The following CREB3L2 variants were observed in gnomAD, a reference collection of about 807,000 sequenced individuals.
CREB3L2 encodes the protein cAMP responsive element binding protein 3 like 2.
A neutral mutation model predicts 57.2 loss-of-function variants in CREB3L2; 23 were observed. The ratio of observed to expected loss-of-function variants is 0.40; its 90% CI spans 0.29 to 0.57. The LOEUF (loss-of-function observed/expected upper bound fraction) is 0.57. Among genes scored for constraint, CREB3L2 ranks in the 20% least tolerant of loss-of-function variants. The pLI, the probability that CREB3L2 is intolerant of heterozygous loss-of-function variation, is 0.42. For synonymous variants in CREB3L2, 268 were observed against 265.1 expected (o/e 1.01, Z -0.11); for missense variants, 628 against 634.7 (o/e 0.99, Z 0.11).
At chr7:137,992,431 G>C (rs2117329797) in intron 1 of CREB3L2, among the ~76,000 whole-genome samples, 1 of 152,266 alleles carries the variant, frequency 6.6e-6, no homozygotes, top group African/African-American at 2.4e-5. Flanking sequence ...CATGCCCTGA[G>C]ATAAATGGGT....
Position 137,876,113 on chromosome 7 carries a change from C to A in CREB3L2, c.*4363G>T, listed in dbSNP as rs1799144350. 8.6e-6 allele frequency: 2 copies of A among 232,120 alleles called. No homozygotes were observed. Among genetic ancestry groups the A allele is most frequent in the African/African-American group, 4.4e-5 (2 of 45,210 alleles). 14.4% of individuals were successfully genotyped at this position (232,120 alleles called of 1,614,324 possible). A position where few individuals can be genotyped will look rare whatever the true frequency, so the allele number is the denominator to read the frequency against. ...CTGGGATTTTCCTAATGGACGTAACCCTATTTCTTTTCTCCTGATGTGCAA... is the reference window on the plus strand; with the variant it reads ...CTGGGATTTTCCTAATGGACGTAACACTATTTCTTTTCTCCTGATGTGCAA... On this transcript the variant is annotated 3_prime_UTR_variant, in exon 12 of 12. Transcript: ENST00000330387.
At chr7:137,973,736 A>G (rs1029429054) in intron 1 of CREB3L2, among the ~76,000 whole-genome samples, 2 of 152,184 alleles carry the variant, frequency 1.3e-5, no homozygotes, top group Admixed American at 6.5e-5. Flanking sequence ...CTTCTCTTAC[A>G]CACCTCCTGG....
At chr7:137,900,512 G>A (rs1378239087) in intron 8 of CREB3L2, among the ~76,000 whole-genome samples, 1 of 152,048 alleles carries the variant, frequency 6.6e-6, no homozygotes, top group African/African-American at 2.4e-5. Context: ...ACAATGATTT[G>A]CAGCCGGAGC....
chr7:137,890,730 G>C (rs1799513246), intron 8 of CREB3L2, among the ~76,000 whole-genome samples: 1 of 152,200 alleles, frequency 6.6e-6, no homozygotes, highest in Admixed American at 6.5e-5. Context: ...CTGATATGTT[G>C]GTTTGAGATG....
chr7:137,896,883 G>A (rs550321749), intron 8 of CREB3L2, among the ~76,000 whole-genome samples: 14 of 152,288 alleles, frequency 9.2e-5, no homozygotes, highest in African/African-American at 3.1e-4. Context: ...ATACTGTATG[G>A]TATCACTTAC....
chr7:137,950,258 G>A (rs375452766), intron 1 of CREB3L2, among the ~76,000 whole-genome samples: 3 of 152,282 alleles, frequency 2.0e-5, no homozygotes, highest in South Asian at 4.1e-4. Context: ...GTTTTCCAAT[G>A]GGATAGCTAT....
chr7:137,914,944 A>G (rs1225769170), intron 3 of CREB3L2, among the ~76,000 whole-genome samples: 1 of 151,852 alleles, frequency 6.6e-6, no homozygotes, highest in African/African-American at 2.4e-5. Context: ...CCCAAGCTGG[A>G]GTGCAGTGCC....
At chr7:137,881,917 C>T (rs1442734017) in intron 11 of CREB3L2, among the ~76,000 whole-genome samples, 1 of 152,132 alleles carries the variant, frequency 6.6e-6, no homozygotes, top group Admixed American at 6.5e-5. Context: ...CAACATACAT[C>T]TATAAGTATA....
intron 8 of CREB3L2, among the ~76,000 whole-genome samples, chr7:137,893,839 G>A (rs1179629993): frequency 6.6e-6 from 1 of 152,208 alleles, no homozygotes; most frequent in Non-Finnish European, 1.5e-5. Context: ...TGAGGAAAGT[G>A]TACAAATGAA....
At chr7:137,906,546 A>T (rs1799895396) in intron 5 of CREB3L2, among the ~76,000 whole-genome samples, 1 of 152,224 alleles carries the variant, frequency 6.6e-6, no homozygotes, top group African/African-American at 2.4e-5. Context: ...GCAGCTTGTG[A>T]TCAAGACTGT....
chr7:137,975,976 C>G (rs947908033), intron 1 of CREB3L2, among the ~76,000 whole-genome samples: 1 of 152,216 alleles, frequency 6.6e-6, no homozygotes, highest in Non-Finnish European at 1.5e-5. Context: ...CCAGATGACC[C>G]TCAATGTTTC....
chr7:137,944,659 A>C (rs1216825427), intron 1 of CREB3L2, among the ~76,000 whole-genome samples: 1 of 152,230 alleles, frequency 6.6e-6, no homozygotes, highest in African/African-American at 2.4e-5. Context: ...GGTATATCTA[A>C]GTGGCTATGA....
Position 137,980,186 on chromosome 7 carries a change from G to A in CREB3L2, c.102+21418C>T, listed in dbSNP as rs1397740610. 6.6e-6 allele frequency among the ~76,000 whole-genome samples: 1 copy of A among 152,208 alleles called. No homozygotes were observed. The highest frequency in any genetic ancestry group is 1.5e-5 in the Non-Finnish European group (1 of 68,034). On this transcript the variant is annotated intron_variant, in intron 1 of 11. Coordinates refer to ENST00000330387, the MANE Select transcript of CREB3L2 (RefSeq NM_194071.4). This position sits in a 1 kb window ranked among gnomAD's most constrained non-coding sequence, Gnocchi z 4.3. The stretch of plus-strand genomic sequence containing the variant: ...CATGCTTTGAGTAGTCATACTCCAA[G>A]CCAGTAGTTCTCACCTCGGTTTCAC...
At chr7:137,973,614 CTTA>C (rs1177158635) in intron 1 of CREB3L2, among the ~76,000 whole-genome samples, 3 of 152,134 alleles carry the variant, frequency 2.0e-5, no homozygotes, top group African/African-American at 4.8e-5. Flanking sequence ...AGCCCAGAGA[CTTA>C]TTATGATGGA....
chr7:137,878,717 AGCATAGCAGAGAGAGG>A lies in CREB3L2; in HGVS notation c.*1743_*1758del. On this transcript the variant is annotated 3_prime_UTR_variant, in exon 12 of 12. Transcript: ENST00000330387. ...CGCTTTCCAGGCTGGAACCGTCTCCAGCATAGCAGAGAGAGGGGAATCACTCACAGGGAGCCCCAAA... is the reference window on the plus strand; with the variant it reads ...CGCTTTCCAGGCTGGAACCGTCTCCAGGAATCACTCACAGGGAGCCCCAAA... The A allele has an allele frequency of 4.3e-6, 1 of 234,540 alleles. No individual in the cohort carries two copies. Among genetic ancestry groups the A allele is most frequent in the African/African-American group, 2.2e-5 (1 of 45,460 alleles). The allele number at this position is 234,540 out of a possible 1,614,324, so 14.5% of individuals were successfully genotyped here.
chr7:137,912,509 G>A (rs950737053), intron 4 of CREB3L2, among the ~76,000 whole-genome samples: 5 of 152,124 alleles, frequency 3.3e-5, no homozygotes, highest in Admixed American at 2.6e-4. Context: ...CCTTGCAATA[G>A]TTGTCATTCA....
chr7:137,898,966 AGG>A (rs1458583111), intron 8 of CREB3L2, among the ~76,000 whole-genome samples: 1 of 124,388 alleles, frequency 8.0e-6, no homozygotes, highest in African/African-American at 5.9e-5. Context: ...AAGGAAAGGA[AGG>A]AAGGAAGGAA....
chr7:137,954,360 C>G (rs992820378), intron 1 of CREB3L2, among the ~76,000 whole-genome samples: 1 of 152,278 alleles, frequency 6.6e-6, no homozygotes, highest in Admixed American at 6.5e-5. Context: ...CAGGTGGTGA[C>G]AGCAGATAGC....
chr7:137,885,348 G>A (rs1799392312), intron 9 of CREB3L2, 55 bp downstream of exon 9: 3 of 1,446,016 alleles, frequency 2.1e-6, no homozygotes, highest in African/African-American at 1.4e-5. Context: ...GAGGGAGAGG[G>A]GAGACAGGGG....
Sources: gnomAD v4.1 joint callset for allele counts (sites outside exome capture counted in the v4.1 genomes callset) on GRCh38, gnomAD v4.1.1 for gene constraint, Gnocchi (gnomAD v3.1) non-coding constraint, MANE v1.5 for transcripts, NCBI Gene and HGNC (gene_info 2026-07-23, HGNC 2026-07-21) for gene names.